JARID2: variants seen among roughly 807,000 people sequenced by gnomAD.
JARID2 encodes protein Jumonji.
In JARID2, 21 loss-of-function variants were observed where a neutral mutation model predicts 125.6. The ratio of observed to expected loss-of-function variants is 0.17; its 90% confidence interval spans 0.12 to 0.24. The LOEUF (loss-of-function observed/expected upper bound fraction) is 0.24, where lower values mean the gene tolerates loss of function less well. Among genes scored for constraint, JARID2 ranks in the 10% least tolerant of loss-of-function variants. JARID2 has a pLI of 1.00. For missense variants in JARID2, 1,303 were observed against 1,639.6 expected, an observed-to-expected ratio of 0.79 and a Z score of 3.55; for synonymous variants, 736 against 661.6, an observed-to-expected ratio of 1.11 and a Z score of -1.73.
intron 1 of JARID2, among the ~76,000 whole-genome samples, chr6:15,250,238 A>G (rs1008067152): frequency 4.6e-5 from 7 of 152,314 alleles, no homozygotes; most frequent in African/African-American, 1.7e-4. Context: ...ATAAGCTTCA[A>G]AAGGATTTAC....
chr6:15,440,358 A>ATTAAT (rs1490477809), intron 3 of JARID2, among the ~76,000 whole-genome samples: 1 of 152,184 alleles, frequency 6.6e-6, no homozygotes, highest in Non-Finnish European at 1.5e-5. Flanking sequence ...ATGGTTATTA[A>ATTAAT]GATTGTAATC....
rs376901971 is a variant in JARID2, at chr6:15,464,363, C to G, written c.494-4179C>G. Reference sequence around the variant, plus strand: ...TGTTGGCTTTATTCTTTTGTACCTACTTCTGTTTGTCTATGACGTTGATGA... The same window carrying G: ...TGTTGGCTTTATTCTTTTGTACCTAGTTCTGTTTGTCTATGACGTTGATGA... On this transcript the variant is annotated intron_variant, in intron 4 of 17. Transcript: ENST00000341776. Among the ~76,000 whole-genome samples the G allele has an allele frequency of 4.6e-5, 7 of 152,322 alleles. No homozygotes were observed. The East Asian group carries it at 1.4e-3, about 29-fold the overall frequency.
At chr6:15,322,112 G>T (rs1249789454) in intron 1 of JARID2, among the ~76,000 whole-genome samples, 1 of 152,182 alleles carries the variant, frequency 6.6e-6, no homozygotes, top group African/African-American at 2.4e-5. Flanking sequence ...TTAGTGTCTA[G>T]TGGTTAATGG....
chr6:15,327,550 TGC>T (rs754665811), intron 1 of JARID2, among the ~76,000 whole-genome samples: 14 of 128,998 alleles, frequency 1.1e-4, no homozygotes, highest in East Asian at 8.7e-4. Context: ...TGTGTGTGTG[TGC>T]GCGTGTGTGT....
intron 5 of JARID2, among the ~76,000 whole-genome samples, chr6:15,469,952 G>A (rs902992594): frequency 6.6e-6 from 1 of 152,070 alleles, no homozygotes; most frequent in East Asian, 1.9e-4. Context: ...GCTGAGGTGG[G>A]CAGATCACGA....
intron 8 of JARID2, among the ~76,000 whole-genome samples, chr6:15,502,128 C>T (rs925143234): frequency 6.6e-6 from 1 of 152,250 alleles, no homozygotes. Context: ...CTGAAACATG[C>T]AGCGTTTCCC....
At chr6:15,475,632 C>T (rs559940412) in intron 5 of JARID2, among the ~76,000 whole-genome samples, 3 of 152,356 alleles carry the variant, frequency 2.0e-5, no homozygotes, top group African/African-American at 7.2e-5. Flanking sequence ...GCCCTTACCC[C>T]TGTTCCCTGA....
At chr6:15,498,981 C>T (rs1306552173) in intron 7 of JARID2, among the ~76,000 whole-genome samples, 1 of 152,196 alleles carries the variant, frequency 6.6e-6, no homozygotes, top group Non-Finnish European at 1.5e-5. Flanking sequence ...CGAGAGCACA[C>T]TTGACATCGT....
At chr6:15,264,386 C>T (rs1759999871) in intron 1 of JARID2, among the ~76,000 whole-genome samples, 1 of 152,108 alleles carries the variant, frequency 6.6e-6, no homozygotes, top group African/African-American at 2.4e-5. Flanking sequence ...TCATAGTGCT[C>T]AAGGTCATTG....
In JARID2 at chr6:15,374,907, T is replaced by C. The variant is rs1238891743; in HGVS notation, c.181+655T>C. 4.6e-5 allele frequency among the ~76,000 whole-genome samples: 7 copies of C among 152,358 alleles called. No homozygotes were observed. In the East Asian group the frequency reaches 9.6e-4, roughly 21 times the overall value. On this transcript the variant is annotated intron_variant, in intron 2 of 17. Coordinates refer to ENST00000341776, the MANE Select transcript of JARID2 (RefSeq NM_004973.4). ...AGTTTACTATTTTATTTCAGGGGAA[T>C]GCAGTGACATTCTATAATCCCCTGT...
chr6:15,361,222 G>A (rs1763780645), intron 1 of JARID2, among the ~76,000 whole-genome samples: 1 of 152,158 alleles, frequency 6.6e-6, no homozygotes, highest in African/African-American at 2.4e-5. Flanking sequence ...AATTTAACCA[G>A]TTGTCAGTCT....
chr6:15,455,192 C>CAAAA lies in JARID2; in HGVS notation c.493+3030_493+3033dup, dbSNP rs36088738. ...TTGGCAATTAAGTGGCACTTTGTCT[C>CAAAA]AAAAAAAAAAAAAAAACAATGGTGA... On this transcript the variant is annotated intron_variant, in intron 4 of 17. Coordinates refer to ENST00000341776, the MANE Select transcript of JARID2 (RefSeq NM_004973.4). 5.3e-3 allele frequency among the ~76,000 whole-genome samples: 686 copies of CAAAA among 128,670 alleles called. 8 individuals carry two copies. The highest frequency in any genetic ancestry group is 0.02 in the African/African-American group (638 of 32,528). 84.4% of individuals were successfully genotyped at this position (128,670 alleles called of 152,430 possible). A position where few individuals can be genotyped will look rare whatever the true frequency, so the allele number is the denominator to read the frequency against.
At chr6:15,266,554 T>G (rs1341202649) in intron 1 of JARID2, among the ~76,000 whole-genome samples, 1 of 152,232 alleles carries the variant, frequency 6.6e-6, no homozygotes, top group East Asian at 1.9e-4. Flanking sequence ...GCACTTCCGT[T>G]GCTCAACGTG....
intron 1 of JARID2, among the ~76,000 whole-genome samples, chr6:15,363,883 A>G (rs962109281): frequency 6.6e-6 from 1 of 152,190 alleles, no homozygotes; most frequent in South Asian, 2.1e-4. Flanking sequence ...TGGAGGACAC[A>G]GGAAGGGGTT....
At chr6:15,313,767 T>C (rs1275908378) in intron 1 of JARID2, among the ~76,000 whole-genome samples, 2 of 152,224 alleles carry the variant, frequency 1.3e-5, no homozygotes, top group African/African-American at 2.4e-5. Context: ...GCACCAATTA[T>C]TAGAAAATGA....
At chr6:15,286,403 C>G (rs376524929) in intron 1 of JARID2, among the ~76,000 whole-genome samples, 3 of 151,734 alleles carry the variant, frequency 2.0e-5, no homozygotes, top group Middle Eastern at 3.4e-3. Context: ...AGGTGCCCAC[C>G]ACCACACCCG....
At position 15,521,071 on chromosome 6, in the gene JARID2, T is replaced by TAAAAAAAAAAAA. The variant is rs34405141; in HGVS notation, c.*829_*840dup. On this transcript the variant is annotated 3_prime_UTR_variant, in exon 18 of 18. Coordinates refer to ENST00000341776, the MANE Select transcript of JARID2 (RefSeq NM_004973.4). Reference sequence around the variant, plus strand: ...ACCCTTCAATAGCATCCTTAAGATTTAAAAAAAAAAAAAAAAAAAAGGAAA... The same window carrying TAAAAAAAAAAAA: ...ACCCTTCAATAGCATCCTTAAGATTTAAAAAAAAAAAAAAAAAAAAAAAAAAAAAAAAGGAAA... 1.7e-5 allele frequency: 2 copies of TAAAAAAAAAAAA among 115,944 alleles called. No homozygotes were observed. Among genetic ancestry groups the TAAAAAAAAAAAA allele is most frequent in the African/African-American group, 3.4e-5 (1 of 29,574 alleles). 7.2% of individuals were successfully genotyped at this position (115,944 alleles called of 1,614,324 possible).
chr6:15,405,423 G>A (rs1433881451), intron 2 of JARID2, among the ~76,000 whole-genome samples: 3 of 152,194 alleles, frequency 2.0e-5, no homozygotes, highest in South Asian at 2.1e-4. Context: ...CACTTCTCCC[G>A]TCAGCTGATG....
chr6:15,496,254 G>A lies in JARID2; in HGVS notation c.1029G>A (p.Thr343=), dbSNP rs777430988. Reference sequence around the variant, plus strand: ...CTGTGAAGTACACTGCCACGGTGACGAAGGGGGCTGTCACATACACCAAAG... The same window carrying A: ...CTGTGAAGTACACTGCCACGGTGACAAAGGGGGCTGTCACATACACCAAAG... ...SKTVKYTATV[T]KGAVTYTKAK... Residue 343 remains threonine (T), a synonymous_variant, in exon 7 of 18, where the codon ACG becomes ACA. Coordinates refer to ENST00000341776, the MANE Select transcript of JARID2 (RefSeq NM_004973.4). 10 of 1,614,170 alleles carry A rather than the reference G, an allele frequency of 6.2e-6. No homozygotes were observed. The highest frequency in any genetic ancestry group is 1.6e-4 in the Middle Eastern group (1 of 6,062).
Sources: allele counts gnomAD v4.1 joint callset (sites outside exome capture counted in the v4.1 genomes callset), GRCh38; gene constraint gnomAD v4.1.1; transcripts MANE v1.5; gene names NCBI Gene and HGNC (gene_info 2026-07-23, HGNC 2026-07-21).